MYH11: variants seen among roughly 807,000 people sequenced by gnomAD.
MYH11 encodes myosin-11.
MYH11 carries 80 observed loss-of-function variants against 246.6 expected under a neutral mutation model. The observed-to-expected ratio is 0.32, with a 90% CI of 0.27 to 0.39. The LOEUF (loss-of-function observed/expected upper bound fraction) is 0.39. MYH11 is among the 10% of genes least tolerant of loss of function. The pLI is 1.00. For missense variants in MYH11, 2,158 were observed against 2,546.8 expected, an observed-to-expected ratio of 0.85 and a Z score of 3.29; for synonymous variants, 1,071 against 1,015.5, an observed-to-expected ratio of 1.05 and a Z score of -1.04.
At chr16:15,784,538 A>G (rs1200161273) in intron 5 of MYH11, among the ~76,000 whole-genome samples, 1 of 151,808 alleles carries the variant, frequency 6.6e-6, no homozygotes, top group Non-Finnish European at 1.5e-5. Context: ...CACCCACAGG[A>G]TGGTATTTTG....
chr16:15,832,447 G>A (rs2043765036), intron 2 of MYH11, among the ~76,000 whole-genome samples: 1 of 152,138 alleles, frequency 6.6e-6, no homozygotes, highest in African/African-American at 2.4e-5. Flanking sequence ...CCATGGCCTG[G>A]GAGACGACAG....
intron 3 of MYH11, among the ~76,000 whole-genome samples, chr16:15,818,898 G>A (rs1028125575): frequency 1.2e-4 from 19 of 152,066 alleles, no homozygotes; most frequent in African/African-American, 3.4e-4. Flanking sequence ...TCTTTCTTTC[G>A]TGACAGGGTC....
At chr16:15,779,313 AT>A (rs35080541) in intron 6 of MYH11, 96,960 of 244,260 alleles carry the variant, frequency 0.4, 19,641 homozygotes, top group Middle Eastern at 0.46. Flanking sequence ...TAATTTTTAA[AT>A]TTTTTTTTGT....
At chr16:15,735,225 C>A in intron 26 of MYH11, 141 bp downstream of exon 26, 1 of 855,442 alleles carries the variant, frequency 1.2e-6, no homozygotes. Flanking sequence ...AACCATGCTT[C>A]TATAAGTTAA....
intron 2 of MYH11, among the ~76,000 whole-genome samples, 173 bp downstream of exon 2, chr16:15,837,735 A>C (rs1483678925): frequency 6.6e-6 from 1 of 151,862 alleles, no homozygotes; most frequent in African/African-American, 2.4e-5. Flanking sequence ...GCATTTCATC[A>C]TGTTGGCCAG....
intron 9 of MYH11, among the ~76,000 whole-genome samples, chr16:15,766,347 GTGTGTGTGTGTGT>G (rs2041980823): frequency 1.2e-4 from 7 of 57,204 alleles, no homozygotes; most frequent in African/African-American, 4.2e-4. Flanking sequence ...GTTTTTTGGT[GTGTGTGTGTGTGT>G]GTGTGTGTGT....
At chr16:15,730,596 A>G (rs2040931724) in intron 27 of MYH11, among the ~76,000 whole-genome samples, 1 of 152,080 alleles carries the variant, frequency 6.6e-6, no homozygotes, top group Non-Finnish European at 1.5e-5. Flanking sequence ...CAGTGCAACA[A>G]CGGACCAATA....
intron 27 of MYH11, among the ~76,000 whole-genome samples, chr16:15,727,760 G>A (rs1029731218): frequency 6.6e-6 from 1 of 152,140 alleles, no homozygotes; most frequent in African/African-American, 2.4e-5. Flanking sequence ...ATCGCTTAAG[G>A]CCAGGAGTAC....
In MYH11 at chr16:15,719,600, G is replaced by T. The variant is rs139565043; in HGVS notation, c.5067C>A (p.Leu1689=). 6.2e-6 allele frequency: 10 copies of T among 1,614,208 alleles called. No individual in the cohort carries two copies. In the East Asian group the frequency reaches 2.2e-4, roughly 36 times the overall value. The stretch of plus-strand genomic sequence containing the variant: ...GAGGCTTTACCTCTTGTAGCTGCAT[G>T]AGGTCTGCTTCCAAGCTCTTGGCTT... The part of the protein sequence containing the change: ...EKKAKSLEAD[L]MQLQEDLAAA... Residue 1689 remains leucine, a synonymous_variant, in exon 35 of 41, where the codon CTC becomes CTA. Coordinates refer to ENST00000300036, the MANE Select transcript of MYH11 (RefSeq NM_002474.3).
intron 4 of MYH11, among the ~76,000 whole-genome samples, chr16:15,787,481 CTTTTTTTT>C (rs370002467): frequency 8.6e-6 from 1 of 116,018 alleles, no homozygotes; most frequent in Non-Finnish European, 1.7e-5. Flanking sequence ...GAATTATCTA[CTTTTTTTT>C]TTTTTTTTTT....
intron 9 of MYH11, among the ~76,000 whole-genome samples, chr16:15,766,365 GT>G (rs2041982160): frequency 7.0e-6 from 1 of 142,832 alleles, no homozygotes; most frequent in East Asian, 2.0e-4. Context: ...GTGTGTGTGT[GT>G]GTGTGTGTGT....
rs375159635 is a variant in MYH11, at chr16:15,837,952, C to T, written c.301G>A (p.Val101Met). 2.9e-5 allele frequency: 46 copies of T among 1,614,024 alleles called. No homozygotes were observed. Among genetic ancestry groups the T allele is most frequent in the South Asian group, 4.4e-5 (4 of 91,086 alleles). ...TACCGCTCCCTCAGGTTGTGTAGCA[C>T]GGAGGCTTCGTTGAGGCACGTCAGC... ...AELTCLNEAS[V>M]LHNLRERYFS... Residue 101 changes from valine (V) to methionine (M), a missense_variant, in exon 2 of 41, where the codon GTG (valine) becomes ATG (methionine). By Grantham distance (21) the Val-to-Met change is conservative. Coordinates refer to ENST00000300036, the MANE Select transcript of MYH11 (RefSeq NM_002474.3).
At chr16:15,798,448 T>G (rs1201401602) in intron 4 of MYH11, among the ~76,000 whole-genome samples, 1 of 150,696 alleles carries the variant, frequency 6.6e-6, no homozygotes, top group Non-Finnish European at 1.5e-5. Flanking sequence ...TCATTAAGAG[T>G]TTAAGTTTGC....
chr16:15,737,421 A>C (rs1433252671), intron 25 of MYH11, 28 bp downstream of exon 25: 1 of 1,607,780 alleles, frequency 6.2e-7, no homozygotes, highest in East Asian at 2.2e-5. Flanking sequence ...ATGGACACAC[A>C]GCAAATGCCC....
At chr16:15,798,064 AGCT>A (rs2042785933) in intron 4 of MYH11, among the ~76,000 whole-genome samples, 1 of 152,190 alleles carries the variant, frequency 6.6e-6, no homozygotes, top group South Asian at 2.1e-4. Flanking sequence ...TCAGCCACAG[AGCT>A]GCTGGCTGTG....
At chr16:15,753,702 T>C (rs1490003486) in intron 14 of MYH11, among the ~76,000 whole-genome samples, 194 bp from the exon 15 acceptor site, 1 of 152,098 alleles carries the variant, frequency 6.6e-6, no homozygotes, top group Non-Finnish European at 1.5e-5. Context: ...GCCCACGTAG[T>C]AGGACATCAG....
chr16:15,812,843 A>G (rs908672489), intron 3 of MYH11, among the ~76,000 whole-genome samples: 5 of 151,956 alleles, frequency 3.3e-5, no homozygotes, highest in African/African-American at 1.2e-4. Flanking sequence ...ACTGCACTCT[A>G]GCCTGGGTGA....
intron 22 of MYH11, chr16:15,741,003 C>A: frequency 3.4e-6 from 1 of 295,658 alleles, no homozygotes. Context: ...TGTGAATAAG[C>A]CAAGTAGAAG....
chr16:15,788,521 A>C (rs555213111), intron 4 of MYH11, among the ~76,000 whole-genome samples: 1 of 152,236 alleles, frequency 6.6e-6, no homozygotes, highest in African/African-American at 2.4e-5. Flanking sequence ...ATGGCTTAAA[A>C]AAGAAATAGA....
Sources: gnomAD v4.1 joint callset for allele counts (sites outside exome capture counted in the v4.1 genomes callset) on GRCh38, gnomAD v4.1.1 for gene constraint, MANE v1.5 for transcripts, NCBI Gene and HGNC (gene_info 2026-07-23, HGNC 2026-07-21) for gene names.